The following MON2 variants were observed in gnomAD, a reference collection of about 807,000 sequenced individuals.
The protein encoded by MON2 is protein MON2 homolog.
Under a neutral mutation model 208.6 loss-of-function variants are expected in MON2, and 84 were observed. The observed-to-expected ratio is 0.40, with a 90% CI of 0.34 to 0.48. The LOEUF is 0.48. Ranked by LOEUF, MON2 falls within the 20% of genes least tolerant of loss-of-function variation. The pLI is 0.59. For missense variants in MON2, 1,611 were observed against 2,015.4 expected (o/e 0.80, Z 3.84); for synonymous variants, 660 against 694.0 (o/e 0.95, Z 0.77).
chr12:62,592,702 G>A lies in MON2; in HGVS notation c.5107G>A (p.Asp1703Asn). Residue 1703 changes from aspartate (D) to asparagine (N), a missense_variant, in exon 35 of 35, where the codon GAT becomes AAT. By Grantham distance (23) the Asp-to-Asn change is conservative (BLOSUM62 1). Transcript: ENST00000393630. ...ALKEALVPFK[D>N]FMQPPASRVQ... ...TAAAGAGGCACTAGTTCCTTTTAAG[G>A]ATTTCATGCAGCCACCAGCATCCAG... is the stretch of plus-strand genomic sequence containing the variant. The A allele has an allele frequency of 6.2e-7, 1 of 1,606,434 alleles. No homozygotes were observed. Among genetic ancestry groups the A allele is most frequent in the Non-Finnish European group, 8.5e-7 (1 of 1,174,400 alleles).
Position 62,585,508 on chromosome 12 carries a change from A to G in MON2, c.4907+7A>G. On this transcript the variant is annotated splice_region_variant and intron_variant, in intron 33 of 34. Coordinates refer to ENST00000393630, the MANE Select transcript of MON2 (RefSeq NM_015026.3). ...GTAAATGCCCTCTTCCAAGGTATATATTTCATTTTATTAAAGAAATAAATG... is the reference window on the plus strand; with the variant it reads ...GTAAATGCCCTCTTCCAAGGTATATGTTTCATTTTATTAAAGAAATAAATG... 6.5e-7 allele frequency: 1 copy of G among 1,541,148 alleles called. No individual in the cohort carries two copies. The highest frequency in any genetic ancestry group is 8.8e-7 in the Non-Finnish European group (1 of 1,131,194).
chr12:62,495,582 C>T (rs1373535590), intron 4 of MON2, among the ~76,000 whole-genome samples: 2 of 150,396 alleles, frequency 1.3e-5, no homozygotes, highest in Non-Finnish European at 3.0e-5. Context: ...CCCGGCTACT[C>T]GGGAGGCTGA....
intron 8 of MON2, among the ~76,000 whole-genome samples, chr12:62,514,887 A>C (rs983105686): frequency 2.6e-5 from 4 of 152,280 alleles, no homozygotes; most frequent in Admixed American, 6.5e-5. Flanking sequence ...AAAGATGCTC[A>C]ACATCTCCAA....
At chr12:62,585,669 A>C in intron 33 of MON2, 168 bp downstream of exon 33, 1 of 523,532 alleles carries the variant, frequency 1.9e-6, no homozygotes, top group South Asian at 4.2e-5. Context: ...TTTCCTGCAG[A>C]TATATTAACA....
At chr12:62,490,406 G>A (rs7958721) in intron 2 of MON2, among the ~76,000 whole-genome samples, 22,698 of 151,494 alleles carry the variant, frequency 0.15, 1,892 homozygotes, top group East Asian at 0.27. Flanking sequence ...TTATATTGCT[G>A]TACAGCCTTT....
chr12:62,571,554 A>G lies in MON2; in HGVS notation c.4486A>G (p.Thr1496Ala). 6.2e-7 allele frequency: 1 copy of G among 1,609,606 alleles called. No homozygotes were observed. The highest frequency in any genetic ancestry group is 2.2e-5 in the East Asian group (1 of 44,790). Residue 1496 changes from threonine to alanine, a missense_variant, in exon 30 of 35, where the codon ACT becomes GCT. Physicochemically the swap from Thr to Ala is moderately conservative, Grantham distance 58 (BLOSUM62 0). Coordinates refer to ENST00000393630, the MANE Select transcript of MON2 (RefSeq NM_015026.3). ...CAGTATGTGGCCAGAACTAGCCAATACTTTTGAAGATTTTCTCTTTACTAA... is the reference window on the plus strand; with the variant it reads ...CAGTATGTGGCCAGAACTAGCCAATGCTTTTGAAGATTTTCTCTTTACTAA... The part of the protein sequence containing the change: ...FDSMWPELAN[T>A]FEDFLFTKSI...
intron 7 of MON2, among the ~76,000 whole-genome samples, chr12:62,505,090 C>G (rs1313674615): frequency 6.6e-6 from 1 of 152,190 alleles, no homozygotes; most frequent in African/African-American, 2.4e-5. Flanking sequence ...GAAGCTTTGC[C>G]TTTTGCCTCA....
chr12:62,481,644 G>A (rs1405451673), intron 1 of MON2, among the ~76,000 whole-genome samples: 1 of 152,100 alleles, frequency 6.6e-6, no homozygotes. Context: ...CACTGCCCAA[G>A]TAATCAGAAA....
rs531504646 is a variant in MON2, at chr12:62,557,604, CTATTT to C, written c.3409+1417_3409+1421del. 2.6e-5 allele frequency among the ~76,000 whole-genome samples: 4 copies of C among 152,168 alleles called. No homozygotes were observed. The South Asian group carries it at 8.3e-4, about 32-fold the overall frequency. ...GTTATGAGCATGTTGTACATATTATCTATTTTATTATTTCGTGTTTGGCATTTTTT... is the reference window on the plus strand; with the variant it reads ...GTTATGAGCATGTTGTACATATTATCTATTATTTCGTGTTTGGCATTTTTT... On this transcript the variant is annotated intron_variant, in intron 25 of 34. Coordinates refer to ENST00000393630, the MANE Select transcript of MON2 (RefSeq NM_015026.3).
chr12:62,495,221 C>T, intron 4 of MON2, 74 bp downstream of exon 4: 1 of 1,391,146 alleles, frequency 7.2e-7, no homozygotes, highest in Non-Finnish European at 9.6e-7. Context: ...AAGAGAAAAG[C>T]TTGGTGCCAT....
Position 62,475,072 on chromosome 12 carries a change from A to G in MON2, c.111+7754A>G, listed in dbSNP as rs556370769. 4.6e-5 allele frequency among the ~76,000 whole-genome samples: 7 copies of G among 152,342 alleles called. No individual in the cohort carries two copies. The East Asian group carries it at 1.4e-3, about 29-fold the overall frequency. Reference sequence around the variant, plus strand: ...TCTACTCTACTTATAGGACTCTAACATAGCATTTAATATTCTCTTGATTTT... The same window carrying G: ...TCTACTCTACTTATAGGACTCTAACGTAGCATTTAATATTCTCTTGATTTT... On this transcript the variant is annotated intron_variant, in intron 1 of 34. Transcript: ENST00000393630.
intron 19 of MON2, among the ~76,000 whole-genome samples, chr12:62,539,618 C>T (rs923527053): frequency 1.3e-5 from 2 of 152,076 alleles, no homozygotes; most frequent in Non-Finnish European, 2.9e-5. Flanking sequence ...GTTATCTTGG[C>T]TCTTATGACT....
At chr12:62,574,064 T>A (rs1358818155) in intron 30 of MON2, among the ~76,000 whole-genome samples, 1 of 152,164 alleles carries the variant, frequency 6.6e-6, no homozygotes, top group African/African-American at 2.4e-5. Flanking sequence ...TTAGACAAGT[T>A]ATTAAACCTT....
intron 8 of MON2, among the ~76,000 whole-genome samples, chr12:62,518,398 T>G (rs911287497): frequency 1.3e-5 from 2 of 152,226 alleles, no homozygotes; most frequent in African/African-American, 4.8e-5. Context: ...AGGACCAGGA[T>G]GCTTATATAG....
At chr12:62,473,427 T>G (rs867799614) in intron 1 of MON2, among the ~76,000 whole-genome samples, 1 of 152,252 alleles carries the variant, frequency 6.6e-6, no homozygotes, top group South Asian at 2.1e-4. Context: ...TTTCTTGTTT[T>G]TGTTATTGTT....
intron 11 of MON2, among the ~76,000 whole-genome samples, chr12:62,530,904 T>TA (rs777571001): frequency 1.1e-4 from 17 of 152,218 alleles, no homozygotes; most frequent in Non-Finnish European, 2.2e-4. Flanking sequence ...CAATGCTTGT[T>TA]AATCTTTTTT....
chr12:62,545,699 C>G (rs1156291192), intron 21 of MON2: 1 of 152,096 alleles, frequency 6.6e-6, no homozygotes, highest in East Asian at 1.9e-4. Context: ...CATTTAATAA[C>G]CATTCCAATT....
chr12:62,509,154 A>T (rs1264965523), intron 8 of MON2: 2 of 142,764 alleles, frequency 1.4e-5, no homozygotes, highest in Non-Finnish European at 3.0e-5. Flanking sequence ...TCACTCTGTC[A>T]CCCAGGCTGG....
intron 28 of MON2, 25 bp from the exon 29 acceptor site, chr12:62,566,297 T>C: frequency 6.3e-7 from 1 of 1,595,536 alleles, no homozygotes; most frequent in Non-Finnish European, 8.5e-7. Context: ...TATTTTTAAC[T>C]GCATGTGAAA....
Sources: gnomAD v4.1 joint callset for allele counts (sites outside exome capture counted in the v4.1 genomes callset) on GRCh38, gnomAD v4.1.1 for gene constraint, MANE v1.5 for transcripts, NCBI Gene and HGNC (gene_info 2026-07-23, HGNC 2026-07-21) for gene names.